The following NLRP12 variants were observed in gnomAD, a reference collection of about 807,000 sequenced individuals.
NLRP12 encodes NACHT, LRR and PYD domains-containing protein 12.
Under a neutral mutation model 91.2 loss-of-function variants are expected in NLRP12, and 108 were observed. The ratio of observed to expected loss-of-function variants is 1.18; its 90% CI spans 1.01 to 1.39. NLRP12 has a LOEUF of 1.39. NLRP12 is among the 40% of genes most tolerant of loss of function. The pLI is 0.00. For missense variants in NLRP12, 1,530 were observed against 1,352.7 expected, an observed-to-expected ratio of 1.13 and a Z score of -2.06; for synonymous variants, 613 against 566.7, an observed-to-expected ratio of 1.08 and a Z score of -1.16.
Position 53,803,974 on chromosome 19 carries a change from C to G in NLRP12, c.2563G>C (p.Val855Leu), listed in dbSNP as rs1157522602. The G allele has an allele frequency of 6.2e-7, 1 of 1,614,124 alleles. No homozygotes were observed. Among genetic ancestry groups the G allele is most frequent in the South Asian group, 1.1e-5 (1 of 91,086 alleles). ...CACCACAAAGTCCGTAGTCTGCAGACTGGGTGCCTCAGTCCCTGGCATAGT... is the reference window on the plus strand; with the variant it reads ...CACCACAAAGTCCGTAGTCTGCAGAGTGGGTGCCTCAGTCCCTGGCATAGT... ...RLLCQGLRHP[V>L]CRLRTLWLKI... The change falls in exon 6 of 10, where the codon GTC (valine) becomes CTC (leucine). Residue 855 changes from valine to leucine, a missense_variant. Val to Leu is a conservative substitution (Grantham distance 32, BLOSUM62 1). Transcript: ENST00000324134.
rs533054990 is a variant in NLRP12 at position 53,798,340 on chromosome 19, G to GGA, written c.2828_2829dup (p.Arg944SerfsTer6). ...TCGTTGAAACTCAAGTCCAGCTCCC[G>GGA]GAGGTTGTGGTTGGCCTGGAGCACC... On this transcript the variant is annotated frameshift_variant, in exon 8 of 10. Transcript: ENST00000324134. LOFTEE classifies it high-confidence loss of function. 181 of 1,614,150 alleles carry GGA rather than the reference G, an allele frequency of 1.1e-4. 1 individual carries two copies. In the South Asian group the frequency reaches 1.9e-3, roughly 17 times the overall value.
rs2091809026 is a variant in NLRP12 at position 53,798,387 on chromosome 19, G to A, written c.2783C>T (p.Ala928Val). The change falls in exon 8 of 10, where the codon GCC (alanine) becomes GTC (valine). Residue 928 changes from alanine to valine, a missense_variant. Coordinates refer to ENST00000324134, the MANE Select transcript of NLRP12 (RefSeq NM_144687.4). ...LRLGICRLGS[A>V]ACEGLSVVLQ... ...CACCACAGAAAGACCCTCACAGGCG[G>A]CAGAGCCCAGCCGGCAGATGCCCAA... 1.2e-6 allele frequency: 2 copies of A among 1,613,992 alleles called. No individual in the cohort carries two copies. The highest frequency in any genetic ancestry group is 1.1e-5 in the South Asian group (1 of 91,080).
chr19:53,823,887 C>CCT lies in NLRP12; in HGVS notation c.286_287dup (p.Asp97GlyfsTer52). On this transcript the variant is annotated frameshift_variant and splice_region_variant, in exon 1 of 10. Transcript: ENST00000324134. LOFTEE classifies it high-confidence loss of function. The stretch of plus-strand genomic sequence containing the variant: ...TTGCCTGTCCCGCCACCTCCTTACC[C>CCT]CTCACCAGGTCCTCTCTCTGTCCTC... The CCT allele has an allele frequency of 6.2e-7, 1 of 1,613,926 alleles. No individual in the cohort carries two copies. Among genetic ancestry groups the CCT allele is most frequent in the Non-Finnish European group, 8.5e-7 (1 of 1,180,016 alleles).
chr19:53,811,215 C>G lies in NLRP12; in HGVS notation c.444G>C (p.Gly148=), dbSNP rs751685804. The change falls in exon 3 of 10, where the codon GGG becomes GGC. Residue 148 remains glycine, a synonymous_variant. Coordinates refer to ENST00000324134, the MANE Select transcript of NLRP12 (RefSeq NM_144687.4). The part of the protein sequence containing the change: ...RLMEDRNARL[G]ECVNLSHRYT... ...ACCGGTGGCTGAGGTTGACACATTC[C>G]CCTAGGCGCGCATTGCGGTCTTCCA... is the stretch of plus-strand genomic sequence containing the variant. The G allele has an allele frequency of 2.5e-5, 40 of 1,614,124 alleles. No individual in the cohort carries two copies. The highest frequency in any genetic ancestry group is 3.4e-5 in the Non-Finnish European group (40 of 1,180,032).
intron 1 of NLRP12, among the ~76,000 whole-genome samples, chr19:53,823,453 T>C (rs187325078): frequency 4.5e-5 from 1 of 22,350 alleles, no homozygotes; most frequent in Non-Finnish European, 1.4e-4. Flanking sequence ...GTTTTAAATA[T>C]ATATTTTAAA....
rs1247393704 is a variant in NLRP12 at position 53,823,905 on chromosome 19, C to T, written c.270G>A (p.Gln90=). 1 of 1,614,066 alleles carries T rather than the reference C, an allele frequency of 6.2e-7. No individual in the cohort carries two copies. The highest frequency in any genetic ancestry group is 1.3e-5 in the African/African-American group (1 of 75,026). Residue 90 remains glutamine (Q), a synonymous_variant, in exon 1 of 10, where the codon CAG becomes CAA. Transcript: ENST00000324134. ...CCTTACCCCTCACCAGGTCCTCTCT[C>T]TGTCCTCTCTCCCACAGGTCCTTCC... ...INRKDLWERG[Q]REDLVRDTPP...
intron 8 of NLRP12, 119 bp downstream of exon 8, chr19:53,798,124 T>A: frequency 8.8e-7 from 1 of 1,136,216 alleles, no homozygotes; most frequent in Non-Finnish European, 1.3e-6. Context: ...CCTCTCTTCT[T>A]GCTACCTGAA....
rs755658801 is a variant in NLRP12 at position 53,810,758 on chromosome 19, G to A, written c.901C>T (p.Pro301Ser). The change falls in exon 3 of 10, where the codon CCT becomes TCT. Residue 301 changes from proline to serine, a missense_variant. Pro to Ser is a moderately conservative substitution (Grantham distance 74). Transcript: ENST00000324134. ...FIIDGFDELK[P>S]SFHDPQGPWC... ...GGTCCCTGAGGATCGTGGAAAGAAGGCTTGAGCTCATCGAAGCCGTCGATG... is the reference window on the plus strand; with the variant it reads ...GGTCCCTGAGGATCGTGGAAAGAAGACTTGAGCTCATCGAAGCCGTCGATG... 1 of 1,613,872 alleles carries A rather than the reference G, an allele frequency of 6.2e-7. No homozygotes were observed. Among genetic ancestry groups the A allele is most frequent in the African/African-American group, 1.3e-5 (1 of 74,928 alleles).
chr19:53,807,354 C>T (rs2091976535), intron 4 of NLRP12, 141 bp downstream of exon 4: 2 of 806,290 alleles, frequency 2.5e-6, no homozygotes, highest in African/African-American at 3.4e-5. Context: ...AGACGTGAGC[C>T]ACGGCACCTG....
chr19:53,820,359 G>A (rs1225134018), intron 1 of NLRP12, among the ~76,000 whole-genome samples: 1 of 152,032 alleles, frequency 6.6e-6, no homozygotes, highest in Non-Finnish European at 1.5e-5. Flanking sequence ...GTGAAACCCC[G>A]TCTCTACTAA....
chr19:53,817,743 A>G, intron 1 of NLRP12, among the ~76,000 whole-genome samples: 1 of 152,104 alleles, frequency 6.6e-6, no homozygotes, highest in East Asian at 1.9e-4. Flanking sequence ...TCTCAAAGAA[A>G]AAAAGAAAAA....
At chr19:53,796,851 C>T (rs902163359) in intron 8 of NLRP12, among the ~76,000 whole-genome samples, 23 of 149,404 alleles carry the variant, frequency 1.5e-4, no homozygotes, top group African/African-American at 2.2e-4. Context: ...CAAAATTAGC[C>T]GGGGTGGTGG....
Position 53,823,921 on chromosome 19 carries a change from A to G in NLRP12, c.254T>C (p.Leu85Pro). The G allele has an allele frequency of 6.2e-7, 1 of 1,614,014 alleles. No individual in the cohort carries two copies. The highest frequency in any genetic ancestry group is 8.5e-7 in the Non-Finnish European group (1 of 1,180,028). ...STFERINRKD[L>P]WERGQREDLV... ...GTCCTCTCTCTGTCCTCTCTCCCAC[A>G]GGTCCTTCCTGTTTATCCGCTCAAA... The change falls in exon 1 of 10, where the codon CTG (leucine) becomes CCG (proline). Residue 85 changes from leucine (L) to proline (P), a missense_variant. Physicochemically the swap from Leu to Pro is moderately conservative, Grantham distance 98 (BLOSUM62 -3). Transcript: ENST00000324134.
intron 4 of NLRP12, among the ~76,000 whole-genome samples, chr19:53,805,973 C>A: frequency 6.6e-6 from 1 of 152,036 alleles, no homozygotes; most frequent in South Asian, 2.1e-4. Flanking sequence ...GTGGCTCAAG[C>A]CTGTAATCTC....
chr19:53,795,099 GGTGTGTGCGTGTGTGTGTGT>G (rs1191011159), intron 9 of NLRP12, among the ~76,000 whole-genome samples: 1 of 133,398 alleles, frequency 7.5e-6, no homozygotes, highest in Non-Finnish European at 1.6e-5. Flanking sequence ...CACCATACCT[GGTGTGTGCGTGTGTGTGTGT>G]GTGTGTGTGT....
intron 1 of NLRP12, among the ~76,000 whole-genome samples, chr19:53,819,673 A>G (rs2092236951): frequency 2.4e-5 from 2 of 82,826 alleles, no homozygotes; most frequent in South Asian, 3.4e-4. Context: ...GTATACATAT[A>G]TGTATGTATA....
At chr19:53,820,726 C>CA (rs1655739290) in intron 1 of NLRP12, among the ~76,000 whole-genome samples, 1 of 147,996 alleles carries the variant, frequency 6.8e-6, no homozygotes, top group Non-Finnish European at 1.5e-5. Context: ...CTTGCACTGT[C>CA]ACCCAGGCTG....
intron 3 of NLRP12, 64 bp from the exon 4 acceptor site, chr19:53,807,729 A>C (rs2091985253): frequency 6.4e-7 from 1 of 1,568,120 alleles, no homozygotes; most frequent in Non-Finnish European, 8.8e-7. Context: ...TGGCCTTTGC[A>C]TGTCATTTCA....
rs199913848 is a variant in NLRP12, at chr19:53,805,297, G to A, written c.2397C>T (p.Cys799=). Residue 799 remains cysteine, a synonymous_variant, in exon 5 of 10, where the codon TGC becomes TGT. Transcript: ENST00000324134. ...LLCEGLRHPQ[C]RLQMIQLRKC... Reference sequence around the variant, plus strand: ...AGACTCACTGAATCATCTGCAGCCTGCACTGGGGATGCCGCAGGCCCTCGC... The same window carrying A: ...AGACTCACTGAATCATCTGCAGCCTACACTGGGGATGCCGCAGGCCCTCGC... The A allele has an allele frequency of 1.9e-6, 3 of 1,613,894 alleles. No homozygotes were observed.
Sources: allele counts gnomAD v4.1 joint callset (sites outside exome capture counted in the v4.1 genomes callset), GRCh38; gene constraint gnomAD v4.1.1; transcripts MANE v1.5; gene names NCBI Gene and HGNC (gene_info 2026-07-23, HGNC 2026-07-21).